The following OR5H15 variants were observed in gnomAD, a reference collection of about 807,000 sequenced individuals.
The protein encoded by OR5H15 is olfactory receptor 5H15.
For missense variants in OR5H15, 405 were observed against 366.1 expected (o/e 1.11, Z -0.87); for synonymous variants, 153 against 129.1 (o/e 1.19, Z -1.26).
chr3:98,168,391 G>T (rs1708749401), intron 1 of OR5H15, among the ~76,000 whole-genome samples: 1 of 151,894 alleles, frequency 6.6e-6, no homozygotes, highest in South Asian at 2.1e-4. Context: ...ATTGTATGAT[G>T]GGCCAGACAC....
Position 98,169,519 on chromosome 3 carries a change from G to C in OR5H15, c.820G>C (p.Glu274Gln). The C allele has an allele frequency of 6.2e-7, 1 of 1,613,348 alleles. No homozygotes were observed. The change falls in exon 2 of 2, where the codon GAG becomes CAG. Residue 274 changes from glutamate (E) to glutamine (Q), a missense_variant. Physicochemically the swap from Glu to Gln is conservative, Grantham distance 29. Coordinates refer to ENST00000641450, the MANE Select transcript of OR5H15 (RefSeq NM_001005515.2). ...SPQADGQNMV[E>Q]PLFYTVIIPL... is the part of the protein sequence containing the mutation. ...GCAAGCAGATGGTCAAAATATGGTG[G>C]AGCCTCTATTCTACACTGTCATCAT...
intron 1 of OR5H15, among the ~76,000 whole-genome samples, chr3:98,167,691 T>C (rs2107328743): frequency 6.6e-6 from 1 of 152,196 alleles, no homozygotes; most frequent in South Asian, 2.1e-4. Flanking sequence ...TTTTTAACTA[T>C]GCCTTTGACT....
Position 98,168,898 on chromosome 3 carries a change from G to C in OR5H15, c.199G>C (p.Ala67Pro). ...IPMYLLLGNL[A>P]FVDAWISSTV... is the part of the protein sequence containing the mutation. ...AATGTACTTACTCCTTGGGAATTTA[G>C]CTTTTGTGGATGCTTGGATATCATC... Residue 67 changes from alanine to proline, a missense_variant, in exon 2 of 2, where the codon GCT (alanine) becomes CCT (proline). Physicochemically the swap from Ala to Pro is conservative, Grantham distance 27. Transcript: ENST00000641450. The C allele has an allele frequency of 1.2e-6, 2 of 1,613,438 alleles. No individual in the cohort carries two copies. Among genetic ancestry groups the C allele is most frequent in the African/African-American group, 1.3e-5 (1 of 74,998 alleles).
At position 98,166,849 on chromosome 3, in the gene OR5H15, T is replaced by C. The variant is rs1708724121; in HGVS notation, c.-19+18T>C. ...AAATATAGGTAAGGAAGAAATAACT[T>C]CTAAATTTTCATTATGCCTTATAGA... On this transcript the variant is annotated intron_variant, in intron 1 of 1. Coordinates refer to ENST00000641450, the MANE Select transcript of OR5H15 (RefSeq NM_001005515.2). 6.6e-6 allele frequency: 1 copy of C among 152,176 alleles called. No individual in the cohort carries two copies. Among genetic ancestry groups the C allele is most frequent in the South Asian group, 2.1e-4 (1 of 4,832 alleles). 9.4% of individuals were successfully genotyped at this position (152,176 alleles called of 1,614,324 possible).
intron 1 of OR5H15, among the ~76,000 whole-genome samples, chr3:98,167,703 C>T (rs947340046): frequency 6.6e-6 from 1 of 151,998 alleles, no homozygotes; most frequent in South Asian, 2.1e-4. Flanking sequence ...CCTTTGACTA[C>T]CACAATGAAT....
At position 98,169,369 on chromosome 3, in the gene OR5H15, A is replaced by G. The variant is rs761601220; in HGVS notation, c.670A>G (p.Thr224Ala). Residue 224 changes from threonine (T) to alanine (A), a missense_variant, in exon 2 of 2, where the codon ACA (threonine) becomes GCA (alanine). Transcript: ENST00000641450. Reference sequence around the variant, plus strand: ...TATATCTTACACATTTGTTCTCTTCACAGTCTTAGAAAAGAAATCTGATAA... The same window carrying G: ...TATATCTTACACATTTGTTCTCTTCGCAGTCTTAGAAAAGAAATCTGATAA... ...ILISYTFVLFTVLEKKSDKGV... is the reference protein window; with the variant it reads ...ILISYTFVLFAVLEKKSDKGV... 1.9e-6 allele frequency: 3 copies of G among 1,613,228 alleles called. No individual in the cohort carries two copies. Among genetic ancestry groups the G allele is most frequent in the Admixed American group, 3.3e-5 (2 of 59,862 alleles).
chr3:98,168,561 G>C, intron 1 of OR5H15, 121 bp from the exon 2 acceptor site: 1 of 1,076,636 alleles, frequency 9.3e-7, no homozygotes. Flanking sequence ...TCAGTTGTAG[G>C]ACTGATCAAA....
Position 98,169,743 on chromosome 3 carries a change from G to GCACTTT in OR5H15, c.*103_*108dup. On this transcript the variant is annotated 3_prime_UTR_variant, in exon 2 of 2. Coordinates refer to ENST00000641450, the MANE Select transcript of OR5H15 (RefSeq NM_001005515.2). ...CATTTTTGCAAGTATAACTGTCCTAGCACTTTAATGACCTAACATTTTAGT... is the reference window on the plus strand; with the variant it reads ...CATTTTTGCAAGTATAACTGTCCTAGCACTTTCACTTTAATGACCTAACATTTTAGT... The GCACTTT allele has an allele frequency of 1.2e-6, 1 of 801,288 alleles. No individual in the cohort carries two copies. The highest frequency in any genetic ancestry group is 1.5e-5 in the South Asian group (1 of 68,502). The allele number at this position is 801,288 out of a possible 1,614,324, so 49.6% of individuals were successfully genotyped here. A position where few individuals can be genotyped will look rare whatever the true frequency, so the allele number is the denominator to read the frequency against.
rs368306904 is a variant in OR5H15, at chr3:98,169,457, G to C, written c.758G>C (p.Gly253Ala). The C allele has an allele frequency of 1.2e-6, 2 of 1,613,200 alleles. No homozygotes were observed. Among genetic ancestry groups the C allele is most frequent in the South Asian group, 1.1e-5 (1 of 91,066 alleles). Reference protein sequence around the residue: ...AHLFSVCLYYGPLLLMYVGPA... With the variant: ...AHLFSVCLYYAPLLLMYVGPA... ...CTCTTCTCTGTCTGTTTATACTATG[G>C]CCCCCTTCTCTTAATGTATGTGGGC... Residue 253 changes from glycine to alanine, a missense_variant, in exon 2 of 2, where the codon GGC (glycine) becomes GCC (alanine). Physicochemically the swap from Gly to Ala is moderately conservative, Grantham distance 60. Coordinates refer to ENST00000641450, the MANE Select transcript of OR5H15 (RefSeq NM_001005515.2).
Position 98,169,374 on chromosome 3 carries a change from C to A in OR5H15, c.675C>A (p.Val225=), listed in dbSNP as rs1269542675. The change falls in exon 2 of 2, where the codon GTC becomes GTA. Residue 225 remains valine (V), a synonymous_variant. Coordinates refer to ENST00000641450, the MANE Select transcript of OR5H15 (RefSeq NM_001005515.2). The stretch of plus-strand genomic sequence containing the variant: ...CTTACACATTTGTTCTCTTCACAGT[C>A]TTAGAAAAGAAATCTGATAAGGGTG... ...LISYTFVLFT[V]LEKKSDKGVR... is the part of the protein sequence containing the mutation. The A allele has an allele frequency of 6.2e-7, 1 of 1,613,250 alleles. No homozygotes were observed.
intron 1 of OR5H15, among the ~76,000 whole-genome samples, chr3:98,167,377 TTC>T (rs66733083): frequency 0.07 from 10,439 of 149,130 alleles, 457 homozygotes; most frequent in Non-Finnish European, 0.1. Flanking sequence ...GTCCCTGTAC[TTC>T]TCTCTCTCTC....
rs62266804 is a variant in OR5H15 at position 98,169,334 on chromosome 3, T to C, written c.635T>C (p.Val212Ala). 3.7e-6 allele frequency: 6 copies of C among 1,612,920 alleles called. No individual in the cohort carries two copies. In the Admixed American group the frequency reaches 1.0e-4, roughly 27 times the overall value. Residue 212 changes from valine (V) to alanine (A), a missense_variant, in exon 2 of 2, where the codon GTG (valine) becomes GCG (alanine). Transcript: ENST00000641450. ...FSGSIQVFSI[V>A]TILISYTFVL... Reference sequence around the variant, plus strand: ...GGTTCAATTCAGGTATTCAGCATTGTGACTATTCTTATATCTTACACATTT... The same window carrying C: ...GGTTCAATTCAGGTATTCAGCATTGCGACTATTCTTATATCTTACACATTT...
chr3:98,168,518 T>G (rs1158348528), intron 1 of OR5H15, among the ~76,000 whole-genome samples, 164 bp from the exon 2 acceptor site: 3 of 152,042 alleles, frequency 2.0e-5, no homozygotes, highest in Non-Finnish European at 4.4e-5. Flanking sequence ...ATATATCATT[T>G]TCATTTCTTT....
At position 98,169,664 on chromosome 3, in the gene OR5H15, A is replaced by C; in HGVS notation, c.*23A>C. ...TAATATCCTTTTTCTATTTACTAAA[A>C]TAGTCACAAAATTACGCAAGTTAGA... On this transcript the variant is annotated 3_prime_UTR_variant, in exon 2 of 2. Transcript: ENST00000641450. The C allele has an allele frequency of 6.6e-7, 1 of 1,524,582 alleles. No individual in the cohort carries two copies. The highest frequency in any genetic ancestry group is 9.0e-7 in the Non-Finnish European group (1 of 1,110,814). The allele number at this position is 1,524,582 out of a possible 1,614,324, so 94.4% of individuals were successfully genotyped here.
Position 98,169,155 on chromosome 3 carries a change from T to C in OR5H15, c.456T>C (p.Gly152=). The change falls in exon 2 of 2, where the codon GGT becomes GGC. Residue 152 remains glycine (G), a synonymous_variant. Transcript: ENST00000641450. The part of the protein sequence containing the change: ...IRLLILSYIA[G]ILHALIHEGF... ...TATTAATCTTGTCATATATAGCTGGTATTCTTCATGCTTTAATCCATGAAG... is the reference window on the plus strand; with the variant it reads ...TATTAATCTTGTCATATATAGCTGGCATTCTTCATGCTTTAATCCATGAAG... The C allele has an allele frequency of 1.2e-6, 2 of 1,613,578 alleles. No homozygotes were observed. The highest frequency in any genetic ancestry group is 2.2e-5 in the East Asian group (1 of 44,816).
Position 98,168,981 on chromosome 3 carries a change from C to T in OR5H15, c.282C>T (p.Leu94=). The change falls in exon 2 of 2, where the codon CTC becomes CTT. Residue 94 remains leucine (L), a synonymous_variant. Coordinates refer to ENST00000641450, the MANE Select transcript of OR5H15 (RefSeq NM_001005515.2). The part of the protein sequence containing the change: ...NFLAKSKMIS[L]SECKIQFFSI... ...TAGCTAAGAGTAAGATGATATCTCT[C>T]TCTGAATGCAAGATACAATTTTTTT... The T allele has an allele frequency of 2.5e-6, 4 of 1,613,568 alleles. No homozygotes were observed. The highest frequency in any genetic ancestry group is 3.4e-6 in the Non-Finnish European group (4 of 1,179,626).
chr3:98,169,159 C>G lies in OR5H15; in HGVS notation c.460C>G (p.Leu154Val). Residue 154 changes from leucine (L) to valine (V), a missense_variant, in exon 2 of 2, where the codon CTT becomes GTT. By Grantham distance (32) the Leu-to-Val change is conservative. Coordinates refer to ENST00000641450, the MANE Select transcript of OR5H15 (RefSeq NM_001005515.2). ...AATCTTGTCATATATAGCTGGTATTCTTCATGCTTTAATCCATGAAGGATT... is the reference window on the plus strand; with the variant it reads ...AATCTTGTCATATATAGCTGGTATTGTTCATGCTTTAATCCATGAAGGATT... Reference protein sequence around the residue: ...LLILSYIAGILHALIHEGFLF... With the variant: ...LLILSYIAGIVHALIHEGFLF... 3 of 1,613,542 alleles carry G rather than the reference C, an allele frequency of 1.9e-6. No individual in the cohort carries two copies. The highest frequency in any genetic ancestry group is 2.5e-6 in the Non-Finnish European group (3 of 1,179,674).
At position 98,168,782 on chromosome 3, in the gene OR5H15, T is replaced by C. The variant is rs773196019; in HGVS notation, c.83T>C (p.Phe28Ser). Residue 28 changes from phenylalanine to serine, a missense_variant, in exon 2 of 2, where the codon TTC becomes TCC. Transcript: ENST00000641450. ...LYQPQWKIPLFLAFLVIYLIT... is the reference protein window; with the variant it reads ...LYQPQWKIPLSLAFLVIYLIT... ...CAACCACAGTGGAAAATACCCCTGTTCTTGGCATTCTTGGTAATATATCTC... is the reference window on the plus strand; with the variant it reads ...CAACCACAGTGGAAAATACCCCTGTCCTTGGCATTCTTGGTAATATATCTC... 1 of 1,613,548 alleles carries C rather than the reference T, an allele frequency of 6.2e-7. No individual in the cohort carries two copies. Among genetic ancestry groups the C allele is most frequent in the Non-Finnish European group, 8.5e-7 (1 of 1,179,558 alleles).
At position 98,168,632 on chromosome 3, in the gene OR5H15, T is replaced by C. The variant is rs1708753625; in HGVS notation, c.-18-50T>C. On this transcript the variant is annotated intron_variant, in intron 1 of 1. Transcript: ENST00000641450. ...TCAACATCTCTTCCCCAATTTCAAC[T>C]CATAATGTCATTGCAAATCTTCCCT... 20 of 1,573,186 alleles carry C rather than the reference T, an allele frequency of 1.3e-5. 1 individual carries two copies. The South Asian group carries it at 2.4e-4, about 18-fold the overall frequency.
Sources: allele counts gnomAD v4.1 joint callset (sites outside exome capture counted in the v4.1 genomes callset), GRCh38; gene constraint gnomAD v4.1.1; transcripts MANE v1.5; gene names NCBI Gene and HGNC (gene_info 2026-07-23, HGNC 2026-07-21).